The following IL1R1 variants were observed in gnomAD, a reference collection of about 807,000 sequenced individuals.
IL1R1 encodes the protein interleukin 1 receptor type 1, also known as interleukin-1 receptor type 1.
Under a neutral mutation model 50.2 loss-of-function variants are expected in IL1R1, and 22 were observed. That is an observed-to-expected ratio of 0.44 (90% confidence interval 0.31 to 0.63). IL1R1 has a LOEUF of 0.63. IL1R1 is among the 20% of genes least tolerant of loss of function. IL1R1 has a pLI of 0.07. For synonymous variants in IL1R1, 251 were observed against 236.7 expected (o/e 1.06, Z -0.55); for missense variants, 509 against 676.2 (o/e 0.75, Z 2.74).
In IL1R1 at chr2:102,176,502, G is replaced by A; in HGVS notation, c.1453G>A (p.Val485Ile). 1 of 1,614,224 alleles carries A rather than the reference G, an allele frequency of 6.2e-7. No homozygotes were observed. The highest frequency in any genetic ancestry group is 8.5e-7 in the Non-Finnish European group (1 of 1,180,050). The change falls in exon 12 of 12, where the codon GTT becomes ATT. Residue 485 changes from valine (V) to isoleucine (I), a missense_variant. Transcript: ENST00000410023. ...TGCTCTTGTTCAGGATGGAATTAAA[G>A]TTGTCCTGCTTGAGCTGGAGAAAAT... is the stretch of plus-strand genomic sequence containing the variant. ...YNALVQDGIK[V>I]VLLELEKIQD... is the part of the protein sequence containing the mutation.
intron 1 of IL1R1, among the ~76,000 whole-genome samples, chr2:102,080,862 A>G (rs751216948): frequency 3.9e-5 from 6 of 152,240 alleles, no homozygotes; most frequent in Non-Finnish European, 8.8e-5. Context: ...ACAACGGAAT[A>G]TTATTCAGCC....
intron 1 of IL1R1, among the ~76,000 whole-genome samples, chr2:102,086,972 G>A (rs1034149197): frequency 3.3e-5 from 5 of 151,882 alleles, no homozygotes; most frequent in Non-Finnish European, 5.9e-5. Flanking sequence ...GTATCTCAGA[G>A]ATATTGTGGA....
chr2:102,101,756 G>T (rs1246912989), upstream of IL1R1, among the ~76,000 whole-genome samples: 1 of 152,206 alleles, frequency 6.6e-6, no homozygotes, highest in Non-Finnish European at 1.5e-5. Flanking sequence ...TGATAAAATT[G>T]TGTTAGAATG....
intron 1 of IL1R1, among the ~76,000 whole-genome samples, chr2:102,071,528 T>G (rs566061129): frequency 6.6e-6 from 1 of 152,326 alleles, no homozygotes; most frequent in South Asian, 2.1e-4. Flanking sequence ...CATGTGGCTT[T>G]TGGCTGAAAG....
intron 1 of IL1R1, among the ~76,000 whole-genome samples, chr2:102,150,237 A>C (rs908899430): frequency 2.0e-5 from 3 of 152,136 alleles, no homozygotes; most frequent in Admixed American, 6.5e-5. Context: ...TGAGGAAGAA[A>C]CCTGGGTTCC....
In IL1R1 at chr2:102,179,471, C is replaced by T. The variant is rs1686405998; in HGVS notation, c.*2712C>T. 1 of 152,472 alleles carries T rather than the reference C, an allele frequency of 6.6e-6. No individual in the cohort carries two copies. The allele number at this position is 152,472 out of a possible 1,614,324, so 9.4% of individuals were successfully genotyped here. A position where few individuals can be genotyped will look rare whatever the true frequency, so the allele number is the denominator to read the frequency against. ...AACTTCCTTTGACTTATTGTCCCCACTAAAACAAAACAAAAAACTTTTAAT... is the reference window on the plus strand; with the variant it reads ...AACTTCCTTTGACTTATTGTCCCCATTAAAACAAAACAAAAAACTTTTAAT... On this transcript the variant is annotated 3_prime_UTR_variant, in exon 12 of 12. Transcript: ENST00000410023.
rs150272655 is a variant in IL1R1, at chr2:102,164,619, C to A, written c.62-155C>A. Among the ~76,000 whole-genome samples, 478 of 152,234 alleles carry A rather than the reference C, an allele frequency of 3.1e-3. 3 individuals carry two copies. The highest frequency in any genetic ancestry group is 0.011 in the African/African-American group (439 of 41,548). On this transcript the variant is annotated intron_variant, in intron 3 of 11. Transcript: ENST00000410023. ...GCTGGACTTGAATATGCTTCTCAGA[C>A]TCCCCAGATAATGATCTTATCACAA...
intron 1 of IL1R1, among the ~76,000 whole-genome samples, chr2:102,147,924 A>G (rs1247832669): frequency 6.6e-6 from 1 of 152,240 alleles, no homozygotes; most frequent in Non-Finnish European, 1.5e-5. Flanking sequence ...TCTCCCATTT[A>G]CATGGGTAAA....
At chr2:102,115,112 T>G (rs1320551182) in intron 1 of IL1R1, among the ~76,000 whole-genome samples, 1 of 152,220 alleles carries the variant, frequency 6.6e-6, no homozygotes, top group Admixed American at 6.5e-5. Flanking sequence ...GGATCCTAAC[T>G]CCAGAAGTTC....
chr2:102,169,149 A>G (rs1410317275), intron 7 of IL1R1, among the ~76,000 whole-genome samples: 3 of 152,224 alleles, frequency 2.0e-5, no homozygotes, highest in African/African-American at 7.2e-5. Context: ...CAGCAGTGTT[A>G]CAATTTCAGG....
At chr2:102,147,356 T>C (rs2104467798) in intron 1 of IL1R1, among the ~76,000 whole-genome samples, 1 of 152,360 alleles carries the variant, frequency 6.6e-6, no homozygotes, top group African/African-American at 2.4e-5. Context: ...GATCCCAATC[T>C]GAGAAACAGC....
intron 1 of IL1R1, among the ~76,000 whole-genome samples, chr2:102,147,394 T>C (rs1225675425): frequency 6.6e-6 from 1 of 152,226 alleles, no homozygotes; most frequent in Non-Finnish European, 1.5e-5. Context: ...GAGGCAGTGC[T>C]CCAGGGAGAA....
chr2:102,165,340 A>G (rs768749907), intron 5 of IL1R1, 36 bp downstream of exon 5: 10 of 1,212,408 alleles, frequency 8.2e-6, no homozygotes, highest in Non-Finnish European at 2.3e-6. Context: ...TCACTTTTCC[A>G]GAAAATAAAA....
intron 1 of IL1R1, among the ~76,000 whole-genome samples, chr2:102,078,781 C>T (rs180912590): frequency 3.2e-4 from 48 of 152,148 alleles, no homozygotes; most frequent in Middle Eastern, 6.8e-3. Flanking sequence ...CAGATGAAAA[C>T]ATCATATGAA....
chr2:102,155,759 T>C (rs1378329436), intron 2 of IL1R1, among the ~76,000 whole-genome samples: 3 of 152,130 alleles, frequency 2.0e-5, no homozygotes, highest in Admixed American at 6.5e-5. Context: ...TATAGTCTAT[T>C]AGAGGAGGAT....
chr2:102,147,803 T>C (rs886400153), intron 1 of IL1R1, among the ~76,000 whole-genome samples: 2 of 152,338 alleles, frequency 1.3e-5, no homozygotes, highest in East Asian at 3.9e-4. Context: ...CTTTTCGCCT[T>C]GTATTAGCTG....
chr2:102,078,410 T>A (rs1679066918), intron 1 of IL1R1, among the ~76,000 whole-genome samples: 1 of 152,014 alleles, frequency 6.6e-6, no homozygotes, highest in African/African-American at 2.4e-5. Flanking sequence ...TATAAGGGAA[T>A]ACTACGAAAA....
chr2:102,152,628 C>T (rs1683789619), intron 1 of IL1R1, among the ~76,000 whole-genome samples: 1 of 151,224 alleles, frequency 6.6e-6, no homozygotes, highest in East Asian at 1.9e-4. Context: ...CCCCCTCTCC[C>T]ATTCCATACA....
chr2:102,151,843 G>C (rs36214789), intron 1 of IL1R1, among the ~76,000 whole-genome samples: 1,617 of 152,326 alleles, frequency 0.011, 21 homozygotes, highest in African/African-American at 0.037. Flanking sequence ...AGGTGCCATA[G>C]AGGTGCATGG....
Sources: allele counts gnomAD v4.1 joint callset (sites outside exome capture counted in the v4.1 genomes callset), GRCh38; gene constraint gnomAD v4.1.1; transcripts MANE v1.5; gene names NCBI Gene and HGNC (gene_info 2026-07-23, HGNC 2026-07-21).